Variants in ARMC9 observed in about 807,000 individuals in gnomAD.
ARMC9 encodes armadillo repeat containing 9, also known as lisH domain-containing protein ARMC9.
A neutral mutation model predicts 107.0 loss-of-function variants in ARMC9; 94 were observed. The ratio of observed to expected loss-of-function variants is 0.88; its 90% CI spans 0.74 to 1.04. The LOEUF is 1.04. Among genes scored for constraint, ARMC9 ranks in the 50% least tolerant of loss-of-function variants. The pLI is 0.00. For synonymous variants in ARMC9, 380 were observed against 396.9 expected (o/e 0.96, Z 0.51); for missense variants, 942 against 1,030.1 (o/e 0.91, Z 1.17).
intron 19 of ARMC9, among the ~76,000 whole-genome samples, chr2:231,324,550 G>A (rs1296129507): frequency 1.3e-5 from 2 of 150,742 alleles, no homozygotes; most frequent in East Asian, 2.0e-4. Flanking sequence ...TTGGGAGTTC[G>A]AGACCAGCCT....
At chr2:231,222,542 C>T (rs2034250429) in intron 5 of ARMC9, among the ~76,000 whole-genome samples, 186 bp from the exon 6 acceptor site, 1 of 152,126 alleles carries the variant, frequency 6.6e-6, no homozygotes, top group South Asian at 2.1e-4. Flanking sequence ...ACTGTGGGCA[C>T]TTGAATCTTC....
intron 9 of ARMC9, chr2:231,240,282 G>A (rs1050029582): frequency 1.3e-5 from 7 of 526,108 alleles, no homozygotes; most frequent in Non-Finnish European, 2.4e-5. Flanking sequence ...CAGCCACTCA[G>A]TGGGGGTTCC....
intron 3 of ARMC9, 101 bp from the exon 4 acceptor site, chr2:231,214,729 CT>C (rs1376147315): frequency 8.2e-7 from 1 of 1,226,778 alleles, no homozygotes; most frequent in African/African-American, 1.5e-5. Flanking sequence ...TCCTTTACCA[CT>C]GAAAAGGAGT....
chr2:231,226,832 A>T lies in ARMC9; in HGVS notation c.622+34A>T, dbSNP rs2034692475. The stretch of plus-strand genomic sequence containing the variant: ...TCTAGATTTAAATTTGTCTAAGAAC[A>T]ACTTTGCCAGTTCAGGTTTGAAGTA... On this transcript the variant is annotated intron_variant, in intron 7 of 24. Transcript: ENST00000611582. 2.5e-6 allele frequency: 4 copies of T among 1,604,580 alleles called. No homozygotes were observed. In the East Asian group the frequency reaches 8.9e-5, roughly 36 times the overall value.
At chr2:231,324,949 T>C (rs569996544) in intron 19 of ARMC9, among the ~76,000 whole-genome samples, 4 of 150,894 alleles carry the variant, frequency 2.7e-5, no homozygotes, top group Non-Finnish European at 5.9e-5. Context: ...ACGAGCTGGG[T>C]GCAGTGGCTC....
intron 8 of ARMC9, among the ~76,000 whole-genome samples, chr2:231,237,633 T>C (rs1286409579): frequency 2.0e-5 from 3 of 151,572 alleles, no homozygotes; most frequent in Non-Finnish European, 4.4e-5. Flanking sequence ...CAAATAGGAC[T>C]AAACTTTGAA....
chr2:231,261,826 T>TC (rs2038378127), intron 11 of ARMC9, among the ~76,000 whole-genome samples: 1 of 150,384 alleles, frequency 6.6e-6, no homozygotes, highest in Non-Finnish European at 1.5e-5. Flanking sequence ...CATCACAGGT[T>TC]CTTTTTTTTT....
chr2:231,201,039 A>G (rs1406249965), intron 1 of ARMC9, among the ~76,000 whole-genome samples: 1 of 152,154 alleles, frequency 6.6e-6, no homozygotes, highest in Non-Finnish European at 1.5e-5. Flanking sequence ...CGCTGTTGGC[A>G]GGGTCCAGTG....
At chr2:231,258,904 C>T in intron 10 of ARMC9, 87 bp from the exon 11 acceptor site, 1 of 1,237,552 alleles carries the variant, frequency 8.1e-7, no homozygotes, top group Non-Finnish European at 1.2e-6. Flanking sequence ...ACAGCAGGCT[C>T]TAGCTTGGGT....
At chr2:231,233,440 A>G (rs2035422882) in intron 7 of ARMC9, among the ~76,000 whole-genome samples, 1 of 152,120 alleles carries the variant, frequency 6.6e-6, no homozygotes, top group African/African-American at 2.4e-5. Flanking sequence ...CAGAGCTTGC[A>G]TGCCACTGCT....
At chr2:231,302,447 T>TG (rs1559431240) in intron 19 of ARMC9, among the ~76,000 whole-genome samples, 2 of 143,632 alleles carry the variant, frequency 1.4e-5, no homozygotes, top group African/African-American at 5.1e-5. Flanking sequence ...GTTTTTTTTT[T>TG]TTTTTTTTTT....
chr2:231,342,782 T>C (rs2044595157), intron 20 of ARMC9, among the ~76,000 whole-genome samples: 1 of 152,186 alleles, frequency 6.6e-6, no homozygotes, highest in East Asian at 1.9e-4. Context: ...AACTGCATTT[T>C]AGTTTTTATT....
At chr2:231,337,917 G>T (rs2044242220) in intron 20 of ARMC9, among the ~76,000 whole-genome samples, 1 of 152,210 alleles carries the variant, frequency 6.6e-6, no homozygotes, top group South Asian at 2.1e-4. Flanking sequence ...TACCCAACCA[G>T]AGGTAATCAC....
rs1048299963 is a variant in ARMC9, at chr2:231,256,248, G to A, written c.880-338G>A. The A allele has an allele frequency of 2.5e-5, 38 of 1,546,242 alleles. No homozygotes were observed. In the African/African-American group the frequency reaches 5.0e-4, roughly 20 times the overall value. Reference sequence around the variant, plus strand: ...ATCCGCAATGTAAAAGGCCCCGTGCGCGAGGGCGACGTGCTCACCCTTTTG... The same window carrying A: ...ATCCGCAATGTAAAAGGCCCCGTGCACGAGGGCGACGTGCTCACCCTTTTG... On this transcript the variant is annotated intron_variant, in intron 9 of 24. Transcript: ENST00000611582.
chr2:231,360,768 A>G lies in ARMC9; in HGVS notation c.2146A>G (p.Lys716Glu). The change falls in exon 23 of 25, where the codon AAG becomes GAG. Residue 716 changes from lysine (K) to glutamate (E), a missense_variant. Physicochemically the swap from Lys to Glu is moderately conservative, Grantham distance 56. Coordinates refer to ENST00000611582, the MANE Select transcript of ARMC9 (RefSeq NM_001352754.2). This position sits in a 1 kb window ranked among gnomAD's most constrained non-coding sequence, Gnocchi z 4.7. ...CTCCTCCCCAGCAGCCATCATCGCC[A>G]AGCCAGGAGAGTGGCTCCCAAGAGG... is the stretch of plus-strand genomic sequence containing the variant. ...CVSSSSAIIA[K>E]PGEWLPRGRQ... The G allele has an allele frequency of 6.5e-7, 1 of 1,536,146 alleles. No individual in the cohort carries two copies. The highest frequency in any genetic ancestry group is 1.2e-5 in the South Asian group (1 of 84,062).
intron 24 of ARMC9, among the ~76,000 whole-genome samples, 183 bp from the exon 25 acceptor site, chr2:231,371,330 C>T (rs780760577): frequency 2.0e-5 from 3 of 152,214 alleles, no homozygotes; most frequent in Non-Finnish European, 4.4e-5. Flanking sequence ...CCGCACCAAG[C>T]AGCCTGCTTC....
chr2:231,200,113 G>C (rs1279375305), intron 1 of ARMC9, among the ~76,000 whole-genome samples: 17 of 152,192 alleles, frequency 1.1e-4, no homozygotes. Context: ...ACTCTAAGGA[G>C]GTGATGTTTA....
In ARMC9 at chr2:231,364,806, AAAAG is replaced by A. The variant is rs933289677; in HGVS notation, c.2261+3936_2261+3939del. On this transcript the variant is annotated intron_variant, in intron 23 of 24. Transcript: ENST00000611582. ...GGGCAAGATTTCATTTCAAAAAAAA[AAAAG>A]AAAGAAAGAAAGTGGCCCTCGGCAG... is the stretch of plus-strand genomic sequence containing the variant. Among the ~76,000 whole-genome samples the A allele has an allele frequency of 5.9e-5, 9 of 152,152 alleles. No individual in the cohort carries two copies. In the South Asian group the frequency reaches 8.3e-4, roughly 14 times the overall value.
At chr2:231,359,082 G>GTTTT (rs555726953) in intron 22 of ARMC9, among the ~76,000 whole-genome samples, 10 of 117,820 alleles carry the variant, frequency 8.5e-5, no homozygotes, top group Admixed American at 2.5e-4. Context: ...GGGGTCTCCT[G>GTTTT]TTTTTTTTTT....
Sources: gnomAD v4.1 joint callset for allele counts (sites outside exome capture counted in the v4.1 genomes callset) on GRCh38, gnomAD v4.1.1 for gene constraint, Gnocchi (gnomAD v3.1) non-coding constraint, MANE v1.5 for transcripts, NCBI Gene and HGNC (gene_info 2026-07-23, HGNC 2026-07-21) for gene names.